ZNF318: variants seen among roughly 807,000 people sequenced by gnomAD.
ZNF318 encodes the protein endocrine regulator.
A neutral mutation model predicts 124.2 loss-of-function variants in ZNF318; 51 were observed. The observed-to-expected ratio is 0.41, with a 90% CI of 0.33 to 0.52. The LOEUF is 0.52. ZNF318 is among the 20% of genes least tolerant of loss of function. The pLI, the probability that ZNF318 is intolerant of heterozygous loss-of-function variation, is 0.23. For synonymous variants in ZNF318, 1,090 were observed against 1,040.7 expected (o/e 1.05, Z -0.91); for missense variants, 2,815 against 2,811.2 (o/e 1.00, Z -0.03).
Position 43,339,296 on chromosome 6 carries a change from G to A in ZNF318, c.4702C>T (p.Leu1568=), listed in dbSNP as rs765679915. Reference sequence around the variant, plus strand: ...CCACTACTATAGAATATGTCATACAGGTCCTTAGCATTGGCTGTGGCTAAG... The same window carrying A: ...CCACTACTATAGAATATGTCATACAAGTCCTTAGCATTGGCTGTGGCTAAG... ...SCLATANAKD[L]YDIFYSSGGK... Residue 1568 remains leucine (L), a synonymous_variant, in exon 10 of 10, where the codon CTG becomes TTG. Transcript: ENST00000361428. The surrounding 1 kb of genome is among the most constrained non-coding windows in gnomAD (Gnocchi z 4.2). 6.2e-7 allele frequency: 1 copy of A among 1,614,182 alleles called. No homozygotes were observed. The highest frequency in any genetic ancestry group is 1.7e-5 in the Admixed American group (1 of 60,026).
Position 43,337,416 on chromosome 6 carries a change from T to C in ZNF318, c.6582A>G (p.Pro2194=). 1 of 1,614,214 alleles carries C rather than the reference T, an allele frequency of 6.2e-7. No homozygotes were observed. The highest frequency in any genetic ancestry group is 8.5e-7 in the Non-Finnish European group (1 of 1,180,044). ...GGGAACTACATTTAGAAGGGTCACC[T>C]GGCTCAGAGAGTGGAGAACACAGTT... is the stretch of plus-strand genomic sequence containing the variant. The part of the protein sequence containing the change: ...KDKLCSPLSE[P]GDPSKCSSLE... Residue 2194 remains proline (P), a synonymous_variant, in exon 10 of 10, where the codon CCA becomes CCG. Coordinates refer to ENST00000361428, the MANE Select transcript of ZNF318 (RefSeq NM_014345.3).
Position 43,337,977 on chromosome 6 carries a change from C to CT in ZNF318, c.6020dup (p.Val2008GlyfsTer16), listed in dbSNP as rs752554022. 6.2e-6 allele frequency: 10 copies of CT among 1,614,176 alleles called. No homozygotes were observed. The highest frequency in any genetic ancestry group is 7.6e-6 in the Non-Finnish European group (9 of 1,180,038). On this transcript the variant is annotated frameshift_variant, in exon 10 of 10. Coordinates refer to ENST00000361428, the MANE Select transcript of ZNF318 (RefSeq NM_014345.3). LOFTEE classifies it low-confidence loss of function (END_TRUNC). ...TCCCCAGGGCAGTAAGCTCCTCTAC[C>CT]TTTAAGTCTGTAGCTTCAAAGTCTT... is the stretch of plus-strand genomic sequence containing the variant.
chr6:43,343,276 T>C (rs1302380058), intron 6 of ZNF318, among the ~76,000 whole-genome samples: 2 of 152,086 alleles, frequency 1.3e-5, no homozygotes, highest in Non-Finnish European at 2.9e-5. Flanking sequence ...ACAGTTAAAT[T>C]TGAAAATCAT....
intron 6 of ZNF318, among the ~76,000 whole-genome samples, chr6:43,344,830 A>G (rs1262351541): frequency 6.6e-6 from 1 of 151,590 alleles, no homozygotes; most frequent in East Asian, 1.9e-4. Context: ...TATTTGGAAT[A>G]ACATACACCA....
rs1181224072 is a variant in ZNF318 at position 43,369,624 on chromosome 6, C to G, written c.-259G>C. 6.5e-6 allele frequency: 1 copy of G among 154,012 alleles called. No homozygotes were observed. Among genetic ancestry groups the G allele is most frequent in the African/African-American group, 2.4e-5 (1 of 41,416 alleles). The allele number at this position is 154,012 out of a possible 1,614,324, so 9.5% of individuals were successfully genotyped here. A position where few individuals can be genotyped will look rare whatever the true frequency, so the allele number is the denominator to read the frequency against. On this transcript the variant is annotated 5_prime_UTR_variant, in exon 1 of 10. Transcript: ENST00000361428. ...CTCCGGGGTTCCCCGCTCCTCCACTCAGGGAGCGGCCGCAGGAACCAAGAA... is the reference window on the plus strand; with the variant it reads ...CTCCGGGGTTCCCCGCTCCTCCACTGAGGGAGCGGCCGCAGGAACCAAGAA...
intron 1 of ZNF318, 82 bp from the exon 2 acceptor site, chr6:43,365,522 G>C (rs1000448600): frequency 7.5e-6 from 11 of 1,457,250 alleles, no homozygotes; most frequent in Non-Finnish European, 1.0e-5. Context: ...TAGTTACAAA[G>C]TTAGCCAGGC....
At chr6:43,346,209 A>C (rs995900915) in intron 6 of ZNF318, among the ~76,000 whole-genome samples, 1 of 107,640 alleles carries the variant, frequency 9.3e-6, no homozygotes, top group African/African-American at 3.3e-5. Flanking sequence ...AAAAAAAAAA[A>C]TGCTGGGCAG....
In ZNF318 at chr6:43,367,670, G is replaced by A. The variant is rs142206302; in HGVS notation, c.399+1297C>T. ...GAAAAGACTGGAGCAAATACATTGCGCACTGGAGAAGAAAAGGAGGTTGTG... is the reference window on the plus strand; with the variant it reads ...GAAAAGACTGGAGCAAATACATTGCACACTGGAGAAGAAAAGGAGGTTGTG... On this transcript the variant is annotated intron_variant, in intron 1 of 9. Transcript: ENST00000361428. Among the ~76,000 whole-genome samples the A allele has an allele frequency of 2.0e-3, 311 of 152,316 alleles. 2 individuals carry two copies. The highest frequency in any genetic ancestry group is 7.2e-3 in the African/African-American group (298 of 41,572).
rs1480275760 is a variant in ZNF318 at position 43,336,363 on chromosome 6, A to G, written c.*795T>C. On this transcript the variant is annotated 3_prime_UTR_variant, in exon 10 of 10. Transcript: ENST00000361428. ...GTTATTGGATCACAATACAATGAACAAAGGCCATTTCAAAAATAAAAGTGA... is the reference window on the plus strand; with the variant it reads ...GTTATTGGATCACAATACAATGAACGAAGGCCATTTCAAAAATAAAAGTGA... 6.6e-6 allele frequency: 1 copy of G among 152,642 alleles called. No homozygotes were observed. The highest frequency in any genetic ancestry group is 1.5e-5 in the Non-Finnish European group (1 of 68,046). The allele number at this position is 152,642 out of a possible 1,614,324, so 9.5% of individuals were successfully genotyped here. A position where few individuals can be genotyped will look rare whatever the true frequency, so the allele number is the denominator to read the frequency against.
chr6:43,346,549 G>C (rs1386434745), intron 6 of ZNF318, among the ~76,000 whole-genome samples: 1 of 102,896 alleles, frequency 9.7e-6, no homozygotes, highest in Non-Finnish European at 2.0e-5. Context: ...AAAAAAAGCA[G>C]CTCTCATTTA....
intron 6 of ZNF318, among the ~76,000 whole-genome samples, chr6:43,347,562 G>A (rs1053933509): frequency 2.0e-5 from 3 of 152,174 alleles, no homozygotes; most frequent in African/African-American, 7.2e-5. Flanking sequence ...TAACAATGGA[G>A]AAAGAAAAAG....
At chr6:43,346,027 A>C (rs1278994400) in intron 6 of ZNF318, among the ~76,000 whole-genome samples, 1 of 151,738 alleles carries the variant, frequency 6.6e-6, no homozygotes, top group African/African-American at 2.4e-5. Context: ...ACATGGTGAA[A>C]CCGTCTCTAC....
chr6:43,355,945 G>A lies in ZNF318; in HGVS notation c.1389C>T (p.Asn463=). 6.2e-7 allele frequency: 1 copy of A among 1,614,194 alleles called. No homozygotes were observed. The highest frequency in any genetic ancestry group is 1.6e-4 in the Middle Eastern group (1 of 6,062). The part of the protein sequence containing the change: ...WGPLPGIPKD[N]SPLREKFGSF... ...TTCCAAATTTTTCTCTGAGAGGACT[G>A]TTGTCTTTGGGAATCCCAGGAAGGG... The change falls in exon 4 of 10, where the codon AAC becomes AAT. Residue 463 remains asparagine (N), a synonymous_variant. Coordinates refer to ENST00000361428, the MANE Select transcript of ZNF318 (RefSeq NM_014345.3).
chr6:43,340,042 G>A lies in ZNF318; in HGVS notation c.3956C>T (p.Pro1319Leu). The A allele has an allele frequency of 1.2e-6, 2 of 1,614,140 alleles. No individual in the cohort carries two copies. The highest frequency in any genetic ancestry group is 1.1e-5 in the South Asian group (1 of 91,084). Residue 1319 changes from proline to leucine, a missense_variant, in exon 10 of 10, where the codon CCT becomes CTT. Physicochemically the swap from Pro to Leu is moderately conservative, Grantham distance 98. Coordinates refer to ENST00000361428, the MANE Select transcript of ZNF318 (RefSeq NM_014345.3). The stretch of plus-strand genomic sequence containing the variant: ...TTTCCCAGAGAGCTTGATTTTGATA[G>A]GCTTTGCCTTCCCAGCTTCAGTTTT... ...DGKTEAGKAK[P>L]IKIKLSGKTV...
At chr6:43,359,866 G>C (rs1243939997) in intron 2 of ZNF318, among the ~76,000 whole-genome samples, 1 of 152,142 alleles carries the variant, frequency 6.6e-6, no homozygotes, top group Non-Finnish European at 1.5e-5. Context: ...AGGTTTCAAT[G>C]CAGTATGAAA....
rs1581642780 is a variant in ZNF318, at chr6:43,348,204, T to C, written c.3072+120A>G. The C allele has an allele frequency of 3.9e-6, 4 of 1,035,340 alleles. No individual in the cohort carries two copies. In the East Asian group the frequency reaches 9.5e-5, roughly 25 times the overall value. 64.1% of individuals were successfully genotyped at this position (1,035,340 alleles called of 1,614,324 possible). On this transcript the variant is annotated intron_variant, in intron 6 of 9. Transcript: ENST00000361428. ...GAGTACCACACTCTGATCTATACTG[T>C]AAGAAAATAATTAACAAGAGTAAGA... is the stretch of plus-strand genomic sequence containing the variant.
chr6:43,369,387 G>T lies in ZNF318; in HGVS notation c.-22C>A. 1 of 1,234,012 alleles carries T rather than the reference G, an allele frequency of 8.1e-7. No individual in the cohort carries two copies. 76.4% of individuals were successfully genotyped at this position (1,234,012 alleles called of 1,614,324 possible). On this transcript the variant is annotated 5_prime_UTR_variant, in exon 1 of 10. Transcript: ENST00000361428. ...ACATGGTTCTTGCAGCGGCGGCCACGGCGACAGCTCTGACCCGGGGGCGCC... is the reference window on the plus strand; with the variant it reads ...ACATGGTTCTTGCAGCGGCGGCCACTGCGACAGCTCTGACCCGGGGGCGCC...
chr6:43,339,981 A>C lies in ZNF318; in HGVS notation c.4017T>G (p.Val1339=), dbSNP rs771852435. ...TCTTAGTCTGTGTGGAAGTTGTCAC[A>C]ACAGGCATCCAAGGGCTGGTATGTG... ...VVAHTSPWMP[V]VTTSTQTKIR... is the part of the protein sequence containing the mutation. Residue 1339 remains valine, a synonymous_variant, in exon 10 of 10, where the codon GTT becomes GTG. Coordinates refer to ENST00000361428, the MANE Select transcript of ZNF318 (RefSeq NM_014345.3). The surrounding 1 kb of genome is among the most constrained non-coding windows in gnomAD (Gnocchi z 4.2). The C allele has an allele frequency of 1.2e-6, 2 of 1,614,244 alleles. No homozygotes were observed. The highest frequency in any genetic ancestry group is 3.3e-5 in the Admixed American group (2 of 60,028).
At position 43,340,469 on chromosome 6, in the gene ZNF318, G is replaced by C; in HGVS notation, c.3529C>G (p.Arg1177Gly). ...CCAGCTTGGCGGTCCAGATTCCGCC[G>C]CTCCTCATATAATGGGTTTTCATCC... ...YVDENPLYEERRNLDRQAGLA... is the reference protein window; with the variant it reads ...YVDENPLYEEGRNLDRQAGLA... Residue 1177 changes from arginine (R) to glycine (G), a missense_variant, in exon 10 of 10, where the codon CGG becomes GGG. Around this residue, in one of 4 missense-constraint regions of ZNF318, gnomAD observed 500 missense variants for 605.2 expected, o/e 0.83. Transcript: ENST00000361428. 1.2e-6 allele frequency: 2 copies of C among 1,609,788 alleles called. No individual in the cohort carries two copies. Among genetic ancestry groups the C allele is most frequent in the Non-Finnish European group, 1.7e-6 (2 of 1,178,902 alleles).
Sources: gnomAD v4.1 joint callset for allele counts (sites outside exome capture counted in the v4.1 genomes callset) on GRCh38, gnomAD v4.1.1 for gene constraint, gnomAD v4.1.1 regional missense constraint, Gnocchi (gnomAD v3.1) non-coding constraint, MANE v1.5 for transcripts, NCBI Gene and HGNC (gene_info 2026-07-23, HGNC 2026-07-21) for gene names.